DCP1B: variants seen among roughly 807,000 people sequenced by gnomAD.
The protein encoded by DCP1B is decapping mRNA 1B.
A neutral mutation model predicts 60.5 loss-of-function variants in DCP1B; 47 were observed. The ratio of observed to expected loss-of-function variants is 0.78; its 90% CI spans 0.61 to 0.99. The LOEUF (loss-of-function observed/expected upper bound fraction) is 0.99, where lower values mean the gene tolerates loss of function less well. DCP1B is among the 50% of genes least tolerant of loss of function. DCP1B has a pLI of 0.00. For missense variants in DCP1B, 725 were observed against 756.8 expected (o/e 0.96, Z 0.49); for synonymous variants, 267 against 280.3 (o/e 0.95, Z 0.47).
rs1359002202 is a variant in DCP1B, at chr12:1,996,654, AAC to A, written c.191+1279_191+1280del. Among the ~76,000 whole-genome samples, 273 of 32,516 alleles carry A rather than the reference AAC, an allele frequency of 8.4e-3. 38 individuals are homozygous for A. The highest frequency in any genetic ancestry group is 0.01 in the African/African-American group (46 of 4,564). 21.3% of individuals were successfully genotyped at this position (32,516 alleles called of 152,430 possible). On this transcript the variant is annotated intron_variant, in intron 2 of 8. Transcript: ENST00000280665. ...AAAAAAAAAAAAAAAAAAAAAAAAA[AAC>A]AACAAACTCTTCTAATGTTTTAAAG...
chr12:1,955,453 C>CT lies in DCP1B; in HGVS notation c.629dup (p.Arg211AlafsTer12). ...GTACCTGGTTGGGCTGAGGTATACG[C>CT]TGTTGCTGGTTTTCACTGGGTTTCA... On this transcript the variant is annotated frameshift_variant, in exon 6 of 9. Transcript: ENST00000280665. LOFTEE classifies it high-confidence loss of function. 6.2e-7 allele frequency: 1 copy of CT among 1,613,662 alleles called. No homozygotes were observed. Among genetic ancestry groups the CT allele is most frequent in the Non-Finnish European group, 8.5e-7 (1 of 1,179,700 alleles).
In DCP1B at chr12:1,971,113, C is replaced by A; in HGVS notation, c.320-3203G>T. The A allele has an allele frequency of 7.8e-7, 1 of 1,289,516 alleles. No individual in the cohort carries two copies. Among genetic ancestry groups the A allele is most frequent in the Non-Finnish European group, 1.0e-6 (1 of 988,588 alleles). 79.9% of individuals were successfully genotyped at this position (1,289,516 alleles called of 1,614,324 possible). ...GTACGCCTGCATACCAGCCGCTTCC[C>A]AGCCACCTGTCTGCCAACACGGAGG... is the stretch of plus-strand genomic sequence containing the variant. On this transcript the variant is annotated intron_variant, in intron 3 of 8. Transcript: ENST00000280665. The surrounding 1 kb of genome is among the most constrained non-coding windows in gnomAD (Gnocchi z 4.2).
chr12:1,957,871 A>G (rs1322044546), intron 5 of DCP1B, among the ~76,000 whole-genome samples: 1 of 152,264 alleles, frequency 6.6e-6, no homozygotes, highest in Non-Finnish European at 1.5e-5. Flanking sequence ...CATATCATAT[A>G]TACTGATAGC....
intron 5 of DCP1B, among the ~76,000 whole-genome samples, chr12:1,958,498 A>G (rs1312289779): frequency 7.8e-5 from 9 of 115,416 alleles, no homozygotes; most frequent in South Asian, 3.4e-4. Flanking sequence ...CTCCTGGAAG[A>G]AGACAGGGGA....
rs1592774679 is a variant in DCP1B, at chr12:1,948,364, T to G, written c.1773+722A>C. ...CCTGCTTATGTACGAGCTCCGTGCC[T>G]CAGGCCAGTTGCTCAGCCTCAGTTT... is the stretch of plus-strand genomic sequence containing the variant. On this transcript the variant is annotated intron_variant, in intron 8 of 8. Transcript: ENST00000280665. This position sits in a 1 kb window ranked among gnomAD's most constrained non-coding sequence, Gnocchi z 4.8. Among the ~76,000 whole-genome samples the G allele has an allele frequency of 6.6e-6, 1 of 152,218 alleles. No individual in the cohort carries two copies. The highest frequency in any genetic ancestry group is 1.9e-4 in the East Asian group (1 of 5,188).
rs1322615731 is a variant in DCP1B at position 1,993,271 on chromosome 12, A to G, written c.312T>C (p.Asn104=). The G allele has an allele frequency of 3.1e-6, 5 of 1,614,162 alleles. No individual in the cohort carries two copies. Among genetic ancestry groups the G allele is most frequent in the African/African-American group, 1.3e-5 (1 of 75,058 alleles). ...GTAGTAAGAAAGACTCACATCTGGC[A>G]TTTCTGTAGAGAAGGAAAGGGTCCT... The part of the protein sequence containing the change: ...QLQDPFLLYR[N]ARLSIYGIWF... The change falls in exon 3 of 9, where the codon AAT becomes AAC. Residue 104 remains asparagine (N), a synonymous_variant. Coordinates refer to ENST00000280665, the MANE Select transcript of DCP1B (RefSeq NM_152640.5).
intron 5 of DCP1B, among the ~76,000 whole-genome samples, chr12:1,959,274 G>A (rs898913341): frequency 1.3e-5 from 2 of 152,236 alleles, no homozygotes; most frequent in Non-Finnish European, 2.9e-5. Context: ...CATAGCAAAG[G>A]AAACAGCAGA....
intron 4 of DCP1B, among the ~76,000 whole-genome samples, chr12:1,966,878 C>T (rs370308953): frequency 1.3e-5 from 2 of 152,252 alleles, no homozygotes; most frequent in East Asian, 1.9e-4. Flanking sequence ...TTTTCATTTC[C>T]GTGAGGTCAC....
At chr12:1,997,070 CT>C (rs777808395) in intron 2 of DCP1B, among the ~76,000 whole-genome samples, 13 of 152,124 alleles carry the variant, frequency 8.5e-5, no homozygotes, top group Middle Eastern at 3.4e-3. Flanking sequence ...ATGTATGTCT[CT>C]ATATGCACTC....
At chr12:1,998,262 G>A (rs1386155721) in intron 1 of DCP1B, among the ~76,000 whole-genome samples, 1 of 152,172 alleles carries the variant, frequency 6.6e-6, no homozygotes, top group African/African-American at 2.4e-5. Flanking sequence ...CTGAAACAAT[G>A]AGAAAATAAG....
intron 4 of DCP1B, among the ~76,000 whole-genome samples, chr12:1,967,249 G>A (rs2031325637): frequency 2.0e-5 from 3 of 152,138 alleles, no homozygotes; most frequent in Non-Finnish European, 4.4e-5. Flanking sequence ...AAATCACAAG[G>A]TATCATAAGA....
At chr12:1,959,476 T>C (rs914198922) in intron 5 of DCP1B, among the ~76,000 whole-genome samples, 5 of 152,086 alleles carry the variant, frequency 3.3e-5, no homozygotes, top group African/African-American at 1.2e-4. Context: ...GGCCAATAGG[T>C]ATGTGAAAAA....
chr12:1,986,698 C>T (rs1048939210), intron 3 of DCP1B, among the ~76,000 whole-genome samples: 8 of 151,714 alleles, frequency 5.3e-5, no homozygotes, highest in South Asian at 2.1e-4. Context: ...TGTGACTTGG[C>T]GCATTCTTGG....
At chr12:1,941,799 T>C (rs912829058), downstream of DCP1B, among the ~76,000 whole-genome samples, 21 of 152,074 alleles carry the variant, frequency 1.4e-4, no homozygotes, top group Admixed American at 1.4e-3. Context: ...GCACTAAATA[T>C]GGAAAGGAAA....
At chr12:1,960,659 C>T (rs113270012) in intron 5 of DCP1B, among the ~76,000 whole-genome samples, 4,151 of 152,174 alleles carry the variant, frequency 0.027, 95 homozygotes, top group Middle Eastern at 0.054. Flanking sequence ...TAAATATATA[C>T]AATTTTAATT....
intron 5 of DCP1B, among the ~76,000 whole-genome samples, chr12:1,959,477 A>G (rs946952226): frequency 6.6e-6 from 1 of 152,236 alleles, no homozygotes; most frequent in African/African-American, 2.4e-5. Flanking sequence ...GCCAATAGGT[A>G]TGTGAAAAAT....
intron 5 of DCP1B, chr12:1,961,270 C>T (rs1185792696): frequency 2.0e-5 from 3 of 152,072 alleles, no homozygotes; most frequent in Non-Finnish European, 4.4e-5. Context: ...AAACTGAGGC[C>T]GTCTTAGGGA....
At chr12:1,959,883 C>A (rs1182443888) in intron 5 of DCP1B, among the ~76,000 whole-genome samples, 1 of 151,758 alleles carries the variant, frequency 6.6e-6, no homozygotes, top group Non-Finnish European at 1.5e-5. Context: ...TGGCGTGAAC[C>A]CAGGAGGTAG....
intron 8 of DCP1B, 71 bp downstream of exon 8, chr12:1,949,013 CTT>C: frequency 6.4e-7 from 1 of 1,566,474 alleles, no homozygotes; most frequent in Non-Finnish European, 8.7e-7. Flanking sequence ...TTGGCTGAGT[CTT>C]TATCTCATAG....
Sources: allele counts gnomAD v4.1 joint callset (sites outside exome capture counted in the v4.1 genomes callset), GRCh38; gene constraint gnomAD v4.1.1; non-coding constraint Gnocchi (gnomAD v3.1); transcripts MANE v1.5; gene names NCBI Gene and HGNC (gene_info 2026-07-23, HGNC 2026-07-21).